Variants in RPTOR observed in about 807,000 individuals in gnomAD.
The protein encoded by RPTOR is regulatory associated protein of MTOR complex 1.
A neutral mutation model predicts 169.9 loss-of-function variants in RPTOR; 21 were observed. That is an observed-to-expected ratio of 0.12 (90% confidence interval 0.09 to 0.18). RPTOR has a LOEUF of 0.18. Ranked by LOEUF, RPTOR falls within the 10% of genes least tolerant of loss-of-function variation. RPTOR has a pLI of 1.00. For missense variants in RPTOR, 1,133 were observed against 1,855.9 expected (o/e 0.61, Z 7.16); for synonymous variants, 732 against 753.2 (o/e 0.97, Z 0.46).
At chr17:80,586,588 C>T (rs2065062305) in intron 1 of RPTOR, among the ~76,000 whole-genome samples, 1 of 152,212 alleles carries the variant, frequency 6.6e-6, no homozygotes. Flanking sequence ...GGGCAGGGTC[C>T]GGGCATGGCA....
chr17:80,697,031 G>C (rs1274792083), intron 3 of RPTOR, among the ~76,000 whole-genome samples: 1 of 152,198 alleles, frequency 6.6e-6, no homozygotes, highest in African/African-American at 2.4e-5. Flanking sequence ...TAGTGTGACA[G>C]TCTTTCTGGT....
chr17:80,593,933 G>C (rs114691212), intron 1 of RPTOR: 151 of 152,268 alleles, frequency 9.9e-4, no homozygotes, highest in African/African-American at 3.5e-3. Flanking sequence ...GGACTCCTCC[G>C]TGATTCTAAA....
At chr17:80,727,018 C>T (rs1271630147) in intron 4 of RPTOR, among the ~76,000 whole-genome samples, 9 of 152,152 alleles carry the variant, frequency 5.9e-5, no homozygotes, top group Admixed American at 5.9e-4. Context: ...CTCAAGTGCA[C>T]CTCTGACCAC....
intron 1 of RPTOR, among the ~76,000 whole-genome samples, chr17:80,573,390 C>T (rs562550430): frequency 6.6e-6 from 1 of 152,266 alleles, no homozygotes; most frequent in East Asian, 1.9e-4. Context: ...TTCTGGTCCA[C>T]ACACATGGCA....
Position 80,803,922 on chromosome 17 carries a change from G to A in RPTOR, c.890+12413G>A, listed in dbSNP as rs536993779. On this transcript the variant is annotated intron_variant, in intron 7 of 33. Coordinates refer to ENST00000306801, the MANE Select transcript of RPTOR (RefSeq NM_020761.3). This position sits in a 1 kb window ranked among gnomAD's most constrained non-coding sequence, Gnocchi z 6.2. The stretch of plus-strand genomic sequence containing the variant: ...CAGCCATGCCGGGACCAGGGGCAGC[G>A]TTCCAGACGGGGAGCCCCACAGCCT... 1.6e-4 allele frequency among the ~76,000 whole-genome samples: 25 copies of A among 152,342 alleles called. No homozygotes were observed. Among genetic ancestry groups the A allele is most frequent in the African/African-American group, 4.1e-4 (17 of 41,586 alleles).
At chr17:80,763,583 C>T (rs767211632) in intron 6 of RPTOR, among the ~76,000 whole-genome samples, 2 of 152,160 alleles carry the variant, frequency 1.3e-5, no homozygotes, top group East Asian at 1.9e-4. Context: ...AAGGAAGCAA[C>T]GTAAATACGA....
At chr17:80,714,187 G>A (rs1290137473) in intron 4 of RPTOR, among the ~76,000 whole-genome samples, 3 of 151,984 alleles carry the variant, frequency 2.0e-5, no homozygotes, top group Admixed American at 6.6e-5. Context: ...GTGATCTGCC[G>A]GCCTCGGCCT....
rs561626832 is a variant in RPTOR, at chr17:80,708,100, T to C, written c.507+101T>C. 5.0e-5 allele frequency: 59 copies of C among 1,180,698 alleles called. No homozygotes were observed. Among genetic ancestry groups the C allele is most frequent in the Admixed American group, 1.5e-4 (6 of 40,088 alleles). 73.1% of individuals were successfully genotyped at this position (1,180,698 alleles called of 1,614,324 possible). Reference sequence around the variant, plus strand: ...CCATCCGTAGCTTCTGTTAAGCCATTGATGTTTACTGTGTTTCAACAAACC... The same window carrying C: ...CCATCCGTAGCTTCTGTTAAGCCATCGATGTTTACTGTGTTTCAACAAACC... On this transcript the variant is annotated intron_variant, in intron 4 of 33. Transcript: ENST00000306801. The surrounding 1 kb of genome is among the most constrained non-coding windows in gnomAD (Gnocchi z 4.2).
intron 24 of RPTOR, 102 bp downstream of exon 24, chr17:80,925,582 C>G: frequency 2.2e-6 from 2 of 917,894 alleles, no homozygotes; most frequent in Non-Finnish European, 3.5e-6. Flanking sequence ...TGGGAGCGTC[C>G]CATTGTGGTC....
chr17:80,619,041 T>A (rs1017090802), intron 1 of RPTOR, among the ~76,000 whole-genome samples: 4 of 152,228 alleles, frequency 2.6e-5, no homozygotes, highest in Non-Finnish European at 5.9e-5. Flanking sequence ...ACTCTCTTTA[T>A]AAATTATGCA....
intron 7 of RPTOR, among the ~76,000 whole-genome samples, chr17:80,804,074 A>T (rs902417385): frequency 5.9e-5 from 9 of 152,236 alleles, no homozygotes; most frequent in Non-Finnish European, 1.3e-4. Context: ...GGCCTGTGTG[A>T]GTCTGACTCA....
At chr17:80,926,559 A>G (rs990981290) in intron 24 of RPTOR, among the ~76,000 whole-genome samples, 1 of 152,282 alleles carries the variant, frequency 6.6e-6, no homozygotes, top group Non-Finnish European at 1.5e-5. Context: ...AAATGTCCAC[A>G]GAGGGTGAAT....
chr17:80,908,775 C>A, intron 20 of RPTOR, 36 bp from the exon 21 acceptor site: 1 of 1,512,476 alleles, frequency 6.6e-7, no homozygotes, highest in Non-Finnish European at 9.2e-7. Flanking sequence ...TTGGCAGCTA[C>A]TTTCCACTAA....
intron 3 of RPTOR, among the ~76,000 whole-genome samples, chr17:80,669,146 T>C (rs897797195): frequency 1.3e-5 from 2 of 152,292 alleles, no homozygotes; most frequent in Non-Finnish European, 2.9e-5. Context: ...AGCCAGGGGC[T>C]GGGGGCTTCT....
At chr17:80,545,929 C>T in intron 1 of RPTOR, 138 bp downstream of exon 1, 1 of 678,720 alleles carries the variant, frequency 1.5e-6, no homozygotes, top group East Asian at 2.9e-5. Context: ...AAGCAAAAGC[C>T]ATTTCAGACT....
intron 6 of RPTOR, among the ~76,000 whole-genome samples, chr17:80,776,043 A>AT (rs2066889030): frequency 4.3e-5 from 1 of 23,322 alleles, no homozygotes; most frequent in Non-Finnish European, 7.0e-5. Flanking sequence ...GGTACATAGA[A>AT]CCTTCCTTAG....
At chr17:80,736,172 TA>T (rs111575653) in intron 5 of RPTOR, among the ~76,000 whole-genome samples, 260 of 140,956 alleles carry the variant, frequency 1.8e-3, no homozygotes, top group South Asian at 0.015. Flanking sequence ...CCCCATCTCT[TA>T]AAAAAAAAAA....
chr17:80,763,792 C>T (rs1376915509), intron 6 of RPTOR, among the ~76,000 whole-genome samples: 4 of 152,126 alleles, frequency 2.6e-5, no homozygotes, highest in Admixed American at 1.3e-4. Flanking sequence ...AACTCAGTAA[C>T]GAAAGGACAG....
Position 80,695,972 on chromosome 17 carries a change from T to C in RPTOR, c.349-11869T>C, listed in dbSNP as rs1304851488. Among the ~76,000 whole-genome samples, 1 of 152,194 alleles carries C rather than the reference T, an allele frequency of 6.6e-6. No homozygotes were observed. Among genetic ancestry groups the C allele is most frequent in the East Asian group, 1.9e-4 (1 of 5,198 alleles). Reference sequence around the variant, plus strand: ...GTTTGCAGAGGATGCTGGTTACATCTTAGATGGAAATTGGCCGTGTCTCTG... The same window carrying C: ...GTTTGCAGAGGATGCTGGTTACATCCTAGATGGAAATTGGCCGTGTCTCTG... On this transcript the variant is annotated intron_variant, in intron 3 of 33. Coordinates refer to ENST00000306801, the MANE Select transcript of RPTOR (RefSeq NM_020761.3). This position sits in a 1 kb window ranked among gnomAD's most constrained non-coding sequence, Gnocchi z 4.9.
Sources: allele counts gnomAD v4.1 joint callset (sites outside exome capture counted in the v4.1 genomes callset), GRCh38; gene constraint gnomAD v4.1.1; non-coding constraint Gnocchi (gnomAD v3.1); transcripts MANE v1.5; gene names NCBI Gene and HGNC (gene_info 2026-07-23, HGNC 2026-07-21).